Variants in LARP1B observed in about 807,000 individuals in gnomAD.
LARP1B encodes la-related protein 1B.
LARP1B carries 76 observed loss-of-function variants against 114.2 expected under a neutral mutation model. The ratio of observed to expected loss-of-function variants is 0.67; its 90% CI spans 0.55 to 0.81. The LOEUF (loss-of-function observed/expected upper bound fraction) is 0.81. Ranked by LOEUF, LARP1B falls within the 30% of genes least tolerant of loss-of-function variation. The pLI is 0.00. For missense variants in LARP1B, 1,014 were observed against 1,075.8 expected, an observed-to-expected ratio of 0.94 and a Z score of 0.80; for synonymous variants, 345 against 348.0, an observed-to-expected ratio of 0.99 and a Z score of 0.10.
At chr4:128,159,287 A>G (rs1371342327) in intron 11 of LARP1B, among the ~76,000 whole-genome samples, 2 of 152,176 alleles carry the variant, frequency 1.3e-5, no homozygotes, top group Non-Finnish European at 2.9e-5. Context: ...ATGTAGATTC[A>G]TATAACTATC....
intron 12 of LARP1B, among the ~76,000 whole-genome samples, chr4:128,176,212 T>A (rs10014665): frequency 0.4 from 57,192 of 142,004 alleles, 12,587 homozygotes; most frequent in African/African-American, 0.57. Context: ...ATTATATATT[T>A]ATATATAAAT....
rs115414208 is a variant in LARP1B at position 128,137,208 on chromosome 4, G to A, written c.1524+15020G>A. Among the ~76,000 whole-genome samples the A allele has an allele frequency of 5.9e-3, 892 of 151,850 alleles. 9 individuals are homozygous for A. The highest frequency in any genetic ancestry group is 0.02 in the African/African-American group (837 of 41,390). ...TGTGCCACTGCACTTCAACCTGGGC[G>A]ACAGAGCAAGAGTCCATCTCAAAAA... On this transcript the variant is annotated intron_variant, in intron 11 of 19. Coordinates refer to ENST00000326639, the MANE Select transcript of LARP1B (RefSeq NM_018078.4).
chr4:128,107,754 T>A, intron 9 of LARP1B: 1 of 1,488,984 alleles, frequency 6.7e-7, no homozygotes, highest in Non-Finnish European at 8.9e-7. Flanking sequence ...CATTCTAAAT[T>A]AGAATTGGGG....
intron 11 of LARP1B, chr4:128,156,079 C>T: frequency 6.3e-7 from 1 of 1,598,912 alleles, no homozygotes; most frequent in Non-Finnish European, 8.5e-7. Context: ...TCCTTTCACC[C>T]CCAGCCTGGT....
intron 11 of LARP1B, among the ~76,000 whole-genome samples, chr4:128,130,837 C>T (rs1227273692): frequency 6.6e-6 from 1 of 152,144 alleles, no homozygotes; most frequent in Non-Finnish European, 1.5e-5. Flanking sequence ...AATGGACTTA[C>T]TCAGAGCTCA....
At chr4:128,202,270 A>G (rs1226943038) in intron 17 of LARP1B, among the ~76,000 whole-genome samples, 1 of 152,190 alleles carries the variant, frequency 6.6e-6, no homozygotes, top group African/African-American at 2.4e-5. Flanking sequence ...TCCTAATCTC[A>G]TTGTTCTTAT....
intron 17 of LARP1B, among the ~76,000 whole-genome samples, chr4:128,202,990 G>A (rs1756447823): frequency 6.6e-6 from 1 of 152,204 alleles, no homozygotes; most frequent in Non-Finnish European, 1.5e-5. Context: ...CTGAAGCCAG[G>A]AGTTCGAGAC....
At chr4:128,075,014 T>C (rs1399757191) in intron 3 of LARP1B, 21 bp downstream of exon 3, 1 of 1,543,010 alleles carries the variant, frequency 6.5e-7, no homozygotes, top group Admixed American at 1.8e-5. Context: ...TTTTAAAGTT[T>C]TTTTTTTTAA....
In LARP1B at chr4:128,077,946, T is replaced by C; in HGVS notation, c.201T>C (p.Ser67=). 3 of 1,600,888 alleles carry C rather than the reference T, an allele frequency of 1.9e-6. No individual in the cohort carries two copies. Among genetic ancestry groups the C allele is most frequent in the Non-Finnish European group, 2.6e-6 (3 of 1,176,338 alleles). ...ENVSEDEAQS[S]NQRKRANKHK... The stretch of plus-strand genomic sequence containing the variant: ...TCAGTGAGGATGAGGCTCAGTCAAG[T>C]AATCAACGTAAGAGAGGTCAGTTTG... Residue 67 remains serine, a synonymous_variant, in exon 4 of 20, where the codon AGT becomes AGC. Transcript: ENST00000326639.
At chr4:128,090,951 T>C (rs1223838612) in intron 5 of LARP1B, 50 bp from the exon 6 acceptor site, 1 of 1,372,870 alleles carries the variant, frequency 7.3e-7, no homozygotes, top group South Asian at 1.3e-5. Flanking sequence ...ACAATCATGT[T>C]ATTTTACTTG....
intron 11 of LARP1B, among the ~76,000 whole-genome samples, chr4:128,161,440 C>G (rs943920137): frequency 6.6e-6 from 1 of 152,212 alleles, no homozygotes; most frequent in African/African-American, 2.4e-5. Flanking sequence ...TATACTGAGT[C>G]TCTTTGCTGC....
chr4:128,090,728 T>A (rs1014677615), intron 5 of LARP1B, among the ~76,000 whole-genome samples: 3 of 152,258 alleles, frequency 2.0e-5, no homozygotes, highest in Non-Finnish European at 4.4e-5. Context: ...CAGCACAATC[T>A]TAATAAAACT....
At chr4:128,196,248 C>CAAAAAAAAAAAAAAAAAAA (rs35423896) in intron 15 of LARP1B, among the ~76,000 whole-genome samples, 1 of 88,612 alleles carries the variant, frequency 1.1e-5, no homozygotes, top group Non-Finnish European at 2.2e-5. Flanking sequence ...GAGAGTCTGT[C>CAAAAAAAAAAAAAAAAAAA]AAAAAAAAAA....
In LARP1B at chr4:128,082,258, C is replaced by A. The variant is rs540231781; in HGVS notation, c.311C>A (p.Pro104His). The change falls in exon 5 of 20, where the codon CCT becomes CAT. Residue 104 changes from proline (P) to histidine (H), a missense_variant. Coordinates refer to ENST00000326639, the MANE Select transcript of LARP1B (RefSeq NM_018078.4). ...TCCCGGAACAGCTCAAGATGTCAAC[C>A]TGAAGCAAATAAACCAACACATAAC... ...PGSRNSSRCQ[P>H]EANKPTHNNR... is the part of the protein sequence containing the mutation. 1 of 1,613,756 alleles carries A rather than the reference C, an allele frequency of 6.2e-7. No homozygotes were observed. The highest frequency in any genetic ancestry group is 2.2e-5 in the East Asian group (1 of 44,866).
intron 11 of LARP1B, among the ~76,000 whole-genome samples, chr4:128,130,633 C>T (rs905420725): frequency 3.9e-5 from 6 of 152,152 alleles, no homozygotes; most frequent in Admixed American, 1.3e-4. Flanking sequence ...TTGACAATTT[C>T]GTATAAAACT....
chr4:128,087,024 G>A (rs6534662), intron 5 of LARP1B, among the ~76,000 whole-genome samples: 91,575 of 151,816 alleles, frequency 0.6, 28,484 homozygotes, highest in Middle Eastern at 0.8. Context: ...CCCAGGCTGG[G>A]TTCTCCTGCC....
At chr4:128,085,441 C>G (rs927597978) in intron 5 of LARP1B, among the ~76,000 whole-genome samples, 1 of 146,890 alleles carries the variant, frequency 6.8e-6, no homozygotes, top group Non-Finnish European at 1.5e-5. Flanking sequence ...TCATAGCTCA[C>G]TGCAGTCTTG....
chr4:128,148,014 A>G lies in LARP1B; in HGVS notation c.1525-14180A>G, dbSNP rs553756973. On this transcript the variant is annotated intron_variant, in intron 11 of 19. Coordinates refer to ENST00000326639, the MANE Select transcript of LARP1B (RefSeq NM_018078.4). ...TATGTGAATTATCTAACAGAGTTCA[A>G]TATTATTTGGGAATAGGTTTTAGAG... 5.3e-5 allele frequency among the ~76,000 whole-genome samples: 8 copies of G among 152,352 alleles called. No homozygotes were observed. In the South Asian group the frequency reaches 1.2e-3, roughly 24 times the overall value.
rs759925931 is a variant in LARP1B, at chr4:128,162,234, A to C, written c.1565A>C (p.Lys522Thr). Reference protein sequence around the residue: ...ENFKKLNLISKEQFENLTPEL... With the variant: ...ENFKKLNLISTEQFENLTPEL... ...TTTAAGAAGCTAAATCTCATTAGTA[A>C]AGAGCAGTTTGAAAACCTAACACCT... Residue 522 changes from lysine to threonine, a missense_variant, in exon 12 of 20, where the codon AAA becomes ACA. By Grantham distance (78) the Lys-to-Thr change is moderately conservative. Transcript: ENST00000326639. 2 of 1,612,836 alleles carry C rather than the reference A, an allele frequency of 1.2e-6. No individual in the cohort carries two copies. The highest frequency in any genetic ancestry group is 1.7e-6 in the Non-Finnish European group (2 of 1,179,084).
Sources: gnomAD v4.1 joint callset for allele counts (sites outside exome capture counted in the v4.1 genomes callset) on GRCh38, gnomAD v4.1.1 for gene constraint, MANE v1.5 for transcripts, NCBI Gene and HGNC (gene_info 2026-07-23, HGNC 2026-07-21) for gene names.